The following TENT4B variants were observed in gnomAD, a reference collection of about 807,000 sequenced individuals.
The protein encoded by TENT4B is terminal nucleotidyltransferase 4B.
TENT4B carries 10 observed loss-of-function variants against 75.0 expected under a neutral mutation model. The ratio of observed to expected loss-of-function variants is 0.13; its 90% CI spans 0.08 to 0.23. The LOEUF (loss-of-function observed/expected upper bound fraction) is 0.23. Ranked by LOEUF, TENT4B falls within the 10% of genes least tolerant of loss-of-function variation. TENT4B has a pLI of 1.00. For missense variants in TENT4B, 579 were observed against 893.8 expected, an observed-to-expected ratio of 0.65 and a Z score of 4.49; for synonymous variants, 350 against 357.7, an observed-to-expected ratio of 0.98 and a Z score of 0.24.
At chr16:50,199,237 A>G (rs990375188) in intron 1 of TENT4B, among the ~76,000 whole-genome samples, 3 of 152,260 alleles carry the variant, frequency 2.0e-5, no homozygotes, top group Non-Finnish European at 2.9e-5. Context: ...TCCCTGGCCC[A>G]TGACCATGGG....
intron 1 of TENT4B, among the ~76,000 whole-genome samples, chr16:50,205,524 G>T (rs1397541280): frequency 7.7e-6 from 1 of 129,498 alleles, no homozygotes; most frequent in Non-Finnish European, 1.6e-5. Flanking sequence ...GGAACATTTT[G>T]TGTGTCTGCC....
chr16:50,211,902 T>G (rs1378966872), intron 2 of TENT4B, among the ~76,000 whole-genome samples: 2 of 152,222 alleles, frequency 1.3e-5, no homozygotes, highest in African/African-American at 4.8e-5. Context: ...CTTTGGCTAA[T>G]GCACGCATAA....
intron 1 of TENT4B, among the ~76,000 whole-genome samples, chr16:50,155,258 T>C (rs2037869744): frequency 7.1e-6 from 1 of 140,296 alleles, no homozygotes. Flanking sequence ...AAAACAAAGC[T>C]TTTGGGTCTC....
intron 1 of TENT4B, among the ~76,000 whole-genome samples, chr16:50,164,739 A>T (rs956278074): frequency 2.0e-5 from 3 of 150,836 alleles, no homozygotes; most frequent in Admixed American, 2.0e-4. Flanking sequence ...TTTTTGACTT[A>T]AAAAAAAAGG....
chr16:50,183,627 G>A (rs778546058), intron 1 of TENT4B, among the ~76,000 whole-genome samples: 3 of 149,750 alleles, frequency 2.0e-5, no homozygotes, highest in Non-Finnish European at 4.4e-5. Flanking sequence ...TGGCACCATT[G>A]AATTAGAAAA....
chr16:50,182,023 G>A (rs548076475), intron 1 of TENT4B, among the ~76,000 whole-genome samples: 1 of 152,250 alleles, frequency 6.6e-6, no homozygotes, highest in South Asian at 2.1e-4. Context: ...CAGCCCTTTA[G>A]TAGGAGGCCG....
chr16:50,156,290 GA>G lies in TENT4B; in HGVS notation c.638+2032del, dbSNP rs564684853. On this transcript the variant is annotated intron_variant, in intron 1 of 11. Coordinates refer to ENST00000561678, the MANE Select transcript of TENT4B (RefSeq NM_001365324.3). ...AAAAAATACATTAAACAATTCCCAA[GA>G]GTGTTAAGAGTGTCTGGGTGCTTAG... Among the ~76,000 whole-genome samples the G allele has an allele frequency of 2.2e-4, 33 of 151,574 alleles. No individual in the cohort carries two copies. The South Asian group carries it at 4.0e-3, about 18-fold the overall frequency.
At chr16:50,208,892 C>T (rs951785600) in intron 1 of TENT4B, among the ~76,000 whole-genome samples, 1 of 152,136 alleles carries the variant, frequency 6.6e-6, no homozygotes, top group African/African-American at 2.4e-5. Context: ...GCCACCACAC[C>T]CAGCTAATTT....
At chr16:50,167,802 G>A (rs570490242) in intron 1 of TENT4B, among the ~76,000 whole-genome samples, 86 of 152,070 alleles carry the variant, frequency 5.7e-4, no homozygotes, top group Admixed American at 1.6e-3. Context: ...GATTACAGGC[G>A]TGCACCACCA....
intron 1 of TENT4B, among the ~76,000 whole-genome samples, chr16:50,200,016 G>T (rs1420143045): frequency 2.0e-5 from 3 of 152,118 alleles, no homozygotes; most frequent in African/African-American, 7.2e-5. Context: ...GTTCATTATG[G>T]TAAATACCAA....
At chr16:50,219,906 C>T (rs2031746007) in intron 5 of TENT4B, among the ~76,000 whole-genome samples, 1 of 151,830 alleles carries the variant, frequency 6.6e-6, no homozygotes, top group South Asian at 2.1e-4. Context: ...GCAGCCTCGG[C>T]TTCTTGGGCT....
In TENT4B at chr16:50,233,406, G is replaced by T. The variant is rs1483136279; in HGVS notation, c.*4078G>T. On this transcript the variant is annotated 3_prime_UTR_variant, in exon 12 of 12. Transcript: ENST00000561678. ...TAAGAAGCCAGATTTTACTGTAGAA[G>T]TTATTTACATGATTTGAAAACTTGA... is the stretch of plus-strand genomic sequence containing the variant. 3.0e-6 allele frequency: 3 copies of T among 985,136 alleles called. No individual in the cohort carries two copies. Among genetic ancestry groups the T allele is most frequent in the Non-Finnish European group, 3.6e-6 (3 of 829,908 alleles). 61.0% of individuals were successfully genotyped at this position (985,136 alleles called of 1,614,324 possible).
chr16:50,155,088 G>A (rs989335728), intron 1 of TENT4B, among the ~76,000 whole-genome samples: 2 of 152,140 alleles, frequency 1.3e-5, no homozygotes, highest in Non-Finnish European at 2.9e-5. Flanking sequence ...AGTGAATATT[G>A]CACCACTAGT....
chr16:50,163,413 ATTTC>A (rs1447210882), intron 1 of TENT4B, among the ~76,000 whole-genome samples: 1 of 147,188 alleles, frequency 6.8e-6, no homozygotes, highest in African/African-American at 2.5e-5. Flanking sequence ...CCAGGATATA[ATTTC>A]TTTTTTTTTT....
At chr16:50,173,868 AT>A (rs1367250105) in intron 1 of TENT4B, among the ~76,000 whole-genome samples, 2 of 151,288 alleles carry the variant, frequency 1.3e-5, no homozygotes, top group East Asian at 3.9e-4. Context: ...TAGTTTTTGT[AT>A]TTTTAGTAGA....
At chr16:50,207,821 G>C (rs2031067147) in intron 1 of TENT4B, among the ~76,000 whole-genome samples, 1 of 152,254 alleles carries the variant, frequency 6.6e-6, no homozygotes, top group East Asian at 1.9e-4. Context: ...ACTCAAATGA[G>C]AGCCAGACTT....
chr16:50,154,339 A>G, intron 1 of TENT4B, 80 bp downstream of exon 1: 1 of 1,357,594 alleles, frequency 7.4e-7, no homozygotes, highest in Non-Finnish European at 9.4e-7. Context: ...GGGGGTTGTG[A>G]GGGTCTAGGA....
chr16:50,200,361 G>A (rs1389621462), intron 1 of TENT4B, among the ~76,000 whole-genome samples: 1 of 145,752 alleles, frequency 6.9e-6, no homozygotes, highest in Non-Finnish European at 1.5e-5. Context: ...GCAAGACCCT[G>A]ACTTAAAAAA....
rs1021526397 is a variant in TENT4B, at chr16:50,234,290, A to G, written c.*4962A>G. ...CTTAAAAAAACAAACAAAAACCTGA[A>G]TGGTGAGGTGTGGTGGAATTGGGTA... On this transcript the variant is annotated 3_prime_UTR_variant, in exon 12 of 12. Transcript: ENST00000561678. 1.7e-5 allele frequency: 17 copies of G among 985,296 alleles called. 1 individual carries two copies. Among genetic ancestry groups the G allele is most frequent in the Admixed American group, 6.2e-5 (1 of 16,258 alleles). The allele number at this position is 985,296 out of a possible 1,614,324, so 61.0% of individuals were successfully genotyped here.
Sources: gnomAD v4.1 joint callset for allele counts (sites outside exome capture counted in the v4.1 genomes callset) on GRCh38, gnomAD v4.1.1 for gene constraint, MANE v1.5 for transcripts, NCBI Gene and HGNC (gene_info 2026-07-23, HGNC 2026-07-21) for gene names.